The following SNX2 variants were observed in gnomAD, a reference collection of about 807,000 sequenced individuals.
SNX2 encodes the protein sorting nexin 2, also known as sorting nexin-2.
SNX2 carries 25 observed loss-of-function variants against 69.9 expected under a neutral mutation model. That is an observed-to-expected ratio of 0.36 (90% CI 0.26 to 0.50). The LOEUF (loss-of-function observed/expected upper bound fraction) is 0.50, where lower values mean the gene tolerates loss of function less well. Among genes scored for constraint, SNX2 ranks in the 20% least tolerant of loss-of-function variants. The pLI is 0.97. For missense variants in SNX2, 551 were observed against 613.3 expected (o/e 0.90, Z 1.07); for synonymous variants, 229 against 200.4 (o/e 1.14, Z -1.20).
At chr5:122,776,129 A>G (rs1417409832) in intron 1 of SNX2, among the ~76,000 whole-genome samples, 1 of 152,046 alleles carries the variant, frequency 6.6e-6, no homozygotes, top group Non-Finnish European at 1.5e-5. Flanking sequence ...AATGTATGAA[A>G]TTTCCCAGAG....
intron 2 of SNX2, among the ~76,000 whole-genome samples, chr5:122,796,215 T>G (rs926015725): frequency 6.6e-6 from 1 of 152,106 alleles, no homozygotes; most frequent in African/African-American, 2.4e-5. Flanking sequence ...ATTGGCACAT[T>G]ACCCATCTCA....
intron 7 of SNX2, among the ~76,000 whole-genome samples, chr5:122,810,485 C>T (rs1295043574): frequency 6.6e-6 from 1 of 151,312 alleles, no homozygotes; most frequent in African/African-American, 2.4e-5. Flanking sequence ...GTAACCATGA[C>T]CCTTTGAGAG....
chr5:122,801,916 A>G lies in SNX2; in HGVS notation c.438A>G (p.Val146=), dbSNP rs775799002. 1.2e-6 allele frequency: 2 copies of G among 1,603,638 alleles called. No homozygotes were observed. Among genetic ancestry groups the G allele is most frequent in the Non-Finnish European group, 1.7e-6 (2 of 1,172,376 alleles). ...ACATTTTTGACATAGAAATTGGTGT[A>G]TCAGATCCAGAAAAAGTTGGTGAGT... ...NGDIFDIEIG[V]SDPEKVGDGM... Residue 146 remains valine, a synonymous_variant, in exon 4 of 15, where the codon GTA becomes GTG. Coordinates refer to ENST00000379516, the MANE Select transcript of SNX2 (RefSeq NM_003100.4).
At chr5:122,779,428 T>A (rs1202192126) in intron 1 of SNX2, among the ~76,000 whole-genome samples, 3 of 152,232 alleles carry the variant, frequency 2.0e-5, no homozygotes, top group Non-Finnish European at 4.4e-5. Flanking sequence ...ACATGGTCTT[T>A]TGTGACGGGC....
chr5:122,792,565 C>G (rs527938493), intron 1 of SNX2, among the ~76,000 whole-genome samples: 79 of 149,750 alleles, frequency 5.3e-4, no homozygotes, highest in Admixed American at 1.6e-3. Context: ...CCATTGCACC[C>G]CAGCCTGGGC....
chr5:122,781,907 T>C (rs12513640), intron 1 of SNX2, among the ~76,000 whole-genome samples: 35,489 of 151,946 alleles, frequency 0.23, 4,559 homozygotes, highest in East Asian at 0.5. Context: ...GCTCCTTGCT[T>C]TCTAATTCCT....
chr5:122,791,556 A>G (rs897133731), intron 1 of SNX2, among the ~76,000 whole-genome samples: 3 of 152,226 alleles, frequency 2.0e-5, no homozygotes, highest in African/African-American at 7.2e-5. Context: ...TGCTGGGATT[A>G]TAGGCATGGG....
chr5:122,823,628 T>C (rs1754077621), intron 11 of SNX2, among the ~76,000 whole-genome samples: 1 of 152,192 alleles, frequency 6.6e-6, no homozygotes. Context: ...CAGAGGAATT[T>C]ATAAATGAAG....
intron 7 of SNX2, chr5:122,815,644 C>G (rs1753883359): frequency 3.8e-6 from 1 of 265,050 alleles, no homozygotes; most frequent in East Asian, 7.0e-5. Context: ...TAACCTCTCC[C>G]CACTCCCACC....
chr5:122,802,887 A>G (rs1753548162), intron 5 of SNX2, among the ~76,000 whole-genome samples: 2 of 152,296 alleles, frequency 1.3e-5, no homozygotes, highest in South Asian at 4.1e-4. Flanking sequence ...AAGGATGCCT[A>G]GGTTATTGAC....
At chr5:122,827,319 T>G in intron 12 of SNX2, 60 bp from the exon 13 acceptor site, 1 of 1,370,484 alleles carries the variant, frequency 7.3e-7, no homozygotes, top group Non-Finnish European at 1.0e-6. Context: ...AAGTGAGTGG[T>G]CTTGACAGTA....
chr5:122,806,134 A>ATGCGCGCGCGCG (rs142218645), intron 6 of SNX2, among the ~76,000 whole-genome samples: 2 of 121,468 alleles, frequency 1.6e-5, no homozygotes, highest in African/African-American at 2.8e-5. Context: ...ATATATACAC[A>ATGCGCGCGCGCG]CGCGCGCGCA....
chr5:122,802,267 G>A lies in SNX2; in HGVS notation c.501+143G>A, dbSNP rs78909948. On this transcript the variant is annotated intron_variant, in intron 5 of 14. Transcript: ENST00000379516. ...GATTGCCAAGAAGTAGGTGCAATGA[G>A]TTGTGAGTGGTTTGATATGTAGTGT... 4,101 of 749,392 alleles carry A rather than the reference G, an allele frequency of 5.5e-3. 122 individuals carry two copies. The African/African-American group carries it at 0.061, about 11-fold the overall frequency. The allele number at this position is 749,392 out of a possible 1,614,324, so 46.4% of individuals were successfully genotyped here.
intron 1 of SNX2, among the ~76,000 whole-genome samples, chr5:122,794,331 A>C (rs1753324748): frequency 6.6e-6 from 1 of 152,070 alleles, no homozygotes; most frequent in South Asian, 2.1e-4. Flanking sequence ...AACAAACAAA[A>C]AAAACAAGAA....
At position 122,802,070 on chromosome 5, in the gene SNX2, T is replaced by C. The variant is rs1417280361; in HGVS notation, c.458-11T>C. On this transcript the variant is annotated splice_polypyrimidine_tract_variant and intron_variant, in intron 4 of 14. Coordinates refer to ENST00000379516, the MANE Select transcript of SNX2 (RefSeq NM_003100.4). ...TGTGATTTTAATAGTAGTGTTTGAC[T>C]TTTTTTGCAGGTGATGGCATGAATG... The C allele has an allele frequency of 1.9e-6, 3 of 1,610,656 alleles. No individual in the cohort carries two copies. Among genetic ancestry groups the C allele is most frequent in the Non-Finnish European group, 2.5e-6 (3 of 1,176,982 alleles).
At chr5:122,798,865 A>C (rs1201426511) in intron 2 of SNX2, among the ~76,000 whole-genome samples, 1 of 152,094 alleles carries the variant, frequency 6.6e-6, no homozygotes, top group African/African-American at 2.4e-5. Context: ...TCTGTAGCTC[A>C]TGTAGCAATT....
chr5:122,808,450 AT>A (rs1265493954), intron 7 of SNX2, 95 bp downstream of exon 7: 6 of 904,574 alleles, frequency 6.6e-6, no homozygotes. Flanking sequence ...TAATGATTAA[AT>A]TTTTTCCAAA....
At position 122,812,463 on chromosome 5, in the gene SNX2, T is replaced by G. The variant is rs548713168; in HGVS notation, c.723-3433T>G. 3.9e-5 allele frequency among the ~76,000 whole-genome samples: 6 copies of G among 152,350 alleles called. No individual in the cohort carries two copies. The South Asian group carries it at 1.2e-3, about 32-fold the overall frequency. On this transcript the variant is annotated intron_variant, in intron 7 of 14. Coordinates refer to ENST00000379516, the MANE Select transcript of SNX2 (RefSeq NM_003100.4). ...TATCTGCATAGCTAACTCATTTCCTTGTTCAAGTTCGTATGTTCAAATAAC... is the reference window on the plus strand; with the variant it reads ...TATCTGCATAGCTAACTCATTTCCTGGTTCAAGTTCGTATGTTCAAATAAC...
intron 1 of SNX2, chr5:122,775,500 C>T (rs964592843): frequency 4.5e-6 from 5 of 1,107,888 alleles, no homozygotes; most frequent in African/African-American, 1.6e-5. Flanking sequence ...TGGCCTTCCT[C>T]GGTGTCTCTT....
Sources: gnomAD v4.1 joint callset for allele counts (sites outside exome capture counted in the v4.1 genomes callset) on GRCh38, gnomAD v4.1.1 for gene constraint, MANE v1.5 for transcripts, NCBI Gene and HGNC (gene_info 2026-07-23, HGNC 2026-07-21) for gene names.